The following VPS41 variants were observed in gnomAD, a reference collection of about 807,000 sequenced individuals.
The protein encoded by VPS41 is vacuolar protein sorting-associated protein 41 homolog.
VPS41 carries 85 observed loss-of-function variants against 130.9 expected under a neutral mutation model. The ratio of observed to expected loss-of-function variants is 0.65; its 90% confidence interval spans 0.55 to 0.78. The LOEUF (loss-of-function observed/expected upper bound fraction) is 0.78, where lower values mean the gene tolerates loss of function less well. Ranked by LOEUF, VPS41 falls within the 30% of genes least tolerant of loss-of-function variation. The pLI is 0.00. For missense variants in VPS41, 874 were observed against 1,018.7 expected (o/e 0.86, Z 1.93); for synonymous variants, 335 against 332.9 (o/e 1.01, Z -0.07).
intron 5 of VPS41, among the ~76,000 whole-genome samples, chr7:38,823,621 A>C (rs935101026): frequency 6.6e-6 from 1 of 152,168 alleles, no homozygotes; most frequent in African/African-American, 2.4e-5. Flanking sequence ...AAATTCACTT[A>C]TGTTATAATT....
rs186604674 is a variant in VPS41 at position 38,843,524 on chromosome 7, T to C, written c.247-13196A>G. ...GGTGAAACCCTGTTTCTACTAAAAA[T>C]ACAAAAAATTAGCCGGGCGCGGTGC... On this transcript the variant is annotated intron_variant, in intron 4 of 28. Coordinates refer to ENST00000310301, the MANE Select transcript of VPS41 (RefSeq NM_014396.4). Among the ~76,000 whole-genome samples the C allele has an allele frequency of 4.7e-4, 70 of 148,842 alleles. 1 individual carries two copies. In the East Asian group the frequency reaches 0.013, roughly 28 times the overall value.
intron 4 of VPS41, among the ~76,000 whole-genome samples, chr7:38,835,148 CT>C (rs1427667733): frequency 6.6e-6 from 1 of 151,780 alleles, no homozygotes; most frequent in Non-Finnish European, 1.5e-5. Context: ...CTTGTGTTTC[CT>C]TTTTTTCTTT....
intron 10 of VPS41, among the ~76,000 whole-genome samples, chr7:38,782,071 T>G (rs181796314): frequency 6.6e-5 from 10 of 152,350 alleles, no homozygotes; most frequent in Non-Finnish European, 1.0e-4. Context: ...TGAGATTTCC[T>G]GGCTCAGCTC....
intron 10 of VPS41, among the ~76,000 whole-genome samples, chr7:38,786,377 T>C (rs770176288): frequency 3.3e-5 from 5 of 152,198 alleles, no homozygotes; most frequent in African/African-American, 7.2e-5. Flanking sequence ...GGTTGTTATA[T>C]AAGGAACAAT....
intron 17 of VPS41, among the ~76,000 whole-genome samples, chr7:38,759,531 T>C (rs1432325393): frequency 6.6e-6 from 1 of 152,178 alleles, no homozygotes; most frequent in African/African-American, 2.4e-5. Context: ...TGGGTCTGGG[T>C]GTGGTGAAGA....
intron 22 of VPS41, among the ~76,000 whole-genome samples, chr7:38,746,638 G>T (rs1310595020): frequency 6.6e-6 from 1 of 152,026 alleles, no homozygotes; most frequent in Non-Finnish European, 1.5e-5. Flanking sequence ...ATCTGAACCG[G>T]GTGCAGTATG....
In VPS41 at chr7:38,743,606, A is replaced by T. The variant is rs1002117102; in HGVS notation, c.1982-64T>A. 8.3e-6 allele frequency: 13 copies of T among 1,561,652 alleles called. No homozygotes were observed. In the Admixed American group the frequency reaches 1.4e-4, roughly 17 times the overall value. On this transcript the variant is annotated intron_variant, in intron 23 of 28. Transcript: ENST00000310301. ...GTATTTTAATAATTTTTTTAAAGAA[A>T]TTGCATATCTCTTAATTTGTTTACA...
At chr7:38,794,527 A>T (rs554915177) in intron 9 of VPS41, among the ~76,000 whole-genome samples, 6 of 152,372 alleles carry the variant, frequency 3.9e-5, no homozygotes, top group Admixed American at 3.3e-4. Context: ...ACATTTATTA[A>T]GCAATTACAT....
At chr7:38,837,751 A>G (rs762497256) in intron 4 of VPS41, among the ~76,000 whole-genome samples, 6 of 152,220 alleles carry the variant, frequency 3.9e-5, no homozygotes, top group African/African-American at 1.2e-4. Flanking sequence ...CAGTATTTGT[A>G]TATCACCTAT....
chr7:38,840,780 T>A (rs1785593048), intron 4 of VPS41, among the ~76,000 whole-genome samples: 1 of 152,208 alleles, frequency 6.6e-6, no homozygotes, highest in South Asian at 2.1e-4. Context: ...ATCATATTAA[T>A]TACCAGACAG....
chr7:38,822,449 C>T (rs1475647589), intron 5 of VPS41, among the ~76,000 whole-genome samples: 1 of 152,140 alleles, frequency 6.6e-6, no homozygotes, highest in Non-Finnish European at 1.5e-5. Flanking sequence ...TGATTTATTT[C>T]ATTCATTATT....
chr7:38,888,651 G>C (rs1211292029), intron 2 of VPS41, among the ~76,000 whole-genome samples: 1 of 152,078 alleles, frequency 6.6e-6, no homozygotes, highest in Non-Finnish European at 1.5e-5. Context: ...TCCAGGACTT[G>C]AACTCAGCTC....
chr7:38,832,377 C>T (rs1487313974), intron 4 of VPS41, among the ~76,000 whole-genome samples: 4 of 141,440 alleles, frequency 2.8e-5, no homozygotes, highest in Admixed American at 2.2e-4. Context: ...TACAGTGCAG[C>T]GGCACAATCT....
At chr7:38,832,497 C>T (rs1225085028) in intron 4 of VPS41, among the ~76,000 whole-genome samples, 3 of 151,714 alleles carry the variant, frequency 2.0e-5, no homozygotes, top group African/African-American at 4.8e-5. Flanking sequence ...TTTCACATAA[C>T]ATTCTGAGTT....
chr7:38,771,201 A>T lies in VPS41; in HGVS notation c.1182T>A (p.Ile394=). 2.5e-6 allele frequency: 4 copies of T among 1,595,910 alleles called. No individual in the cohort carries two copies. The highest frequency in any genetic ancestry group is 3.4e-6 in the Non-Finnish European group (4 of 1,168,174). Residue 394 remains isoleucine (I), a synonymous_variant, in exon 14 of 29, where the codon ATT becomes ATA. Coordinates refer to ENST00000310301, the MANE Select transcript of VPS41 (RefSeq NM_014396.4). ...ISQKNIKRHK[I]LDIGLAYINH... ...AAATAACAAATTGCACACTTACCAG[A>T]ATCTTATGTCTTTTAATATTTTTTT... is the stretch of plus-strand genomic sequence containing the variant.
chr7:38,877,527 T>A (rs1786516844), intron 2 of VPS41, among the ~76,000 whole-genome samples: 1 of 152,198 alleles, frequency 6.6e-6, no homozygotes, highest in South Asian at 2.1e-4. Flanking sequence ...AATAAATTTA[T>A]GTTGTTATAC....
Position 38,869,056 on chromosome 7 carries a change from G to A in VPS41, c.168+90C>T, listed in dbSNP as rs1219687260. On this transcript the variant is annotated intron_variant, in intron 3 of 28. Coordinates refer to ENST00000310301, the MANE Select transcript of VPS41 (RefSeq NM_014396.4). The stretch of plus-strand genomic sequence containing the variant: ...CAAGGAGACAGAATCACTGTAAAAA[G>A]CCACCACCAAAAACATCAGGACTCC... The A allele has an allele frequency of 9.3e-6, 9 of 968,862 alleles. No individual in the cohort carries two copies. In the Admixed American group the frequency reaches 2.2e-4, roughly 24 times the overall value. 60.0% of individuals were successfully genotyped at this position (968,862 alleles called of 1,614,324 possible).
chr7:38,764,884 T>C (rs539042634), intron 16 of VPS41, among the ~76,000 whole-genome samples: 4 of 152,182 alleles, frequency 2.6e-5, no homozygotes, highest in East Asian at 3.9e-4. Context: ...GCCATTAAAG[T>C]AAACAGGGAG....
chr7:38,726,257 T>A lies in VPS41; in HGVS notation c.2554A>T (p.Met852Leu). The change falls in exon 29 of 29, where the codon ATG becomes TTG. Residue 852 changes from methionine to leucine, a missense_variant. Transcript: ENST00000310301. ...CAAGGAGAAATGAGCTATTTTTTCA[T>A]CTCCAAAATTGCACTTCCTGGTCCA... The part of the protein sequence containing the change: ...NRGPGSAILE[M>L]KK 6.2e-7 allele frequency: 1 copy of A among 1,608,438 alleles called. No individual in the cohort carries two copies. Among genetic ancestry groups the A allele is most frequent in the Non-Finnish European group, 8.5e-7 (1 of 1,175,630 alleles).
Sources: gnomAD v4.1 joint callset for allele counts (sites outside exome capture counted in the v4.1 genomes callset) on GRCh38, gnomAD v4.1.1 for gene constraint, MANE v1.5 for transcripts, NCBI Gene and HGNC (gene_info 2026-07-23, HGNC 2026-07-21) for gene names.